CNOT4: variants seen among roughly 807,000 people sequenced by gnomAD.
CNOT4 encodes CCR4-NOT transcription complex subunit 4, also known as CCR4-associated factor 4.
In CNOT4, 8 loss-of-function variants were observed where a neutral mutation model predicts 73.8. The ratio of observed to expected loss-of-function variants is 0.11; its 90% CI spans 0.06 to 0.20. The LOEUF (loss-of-function observed/expected upper bound fraction) is 0.20, where lower values mean the gene tolerates loss of function less well. Ranked by LOEUF, CNOT4 falls within the 10% of genes least tolerant of loss-of-function variation. The pLI is 1.00. For synonymous variants in CNOT4, 293 were observed against 321.1 expected, an observed-to-expected ratio of 0.91 and a Z score of 0.94; for missense variants, 564 against 883.4, an observed-to-expected ratio of 0.64 and a Z score of 4.58.
chr7:135,372,893 A>G (rs984693940), intron 10 of CNOT4, among the ~76,000 whole-genome samples: 3 of 152,200 alleles, frequency 2.0e-5, no homozygotes, highest in Non-Finnish European at 2.9e-5. Context: ...ATCCAAAAAA[A>G]GATCGGGAAA....
chr7:135,425,956 G>A (rs1286925681), intron 2 of CNOT4, among the ~76,000 whole-genome samples: 5 of 152,000 alleles, frequency 3.3e-5, no homozygotes, highest in African/African-American at 4.8e-5. Context: ...GGCTGGGTGC[G>A]GTGGCTCACA....
chr7:135,376,523 A>G (rs1210168172), intron 10 of CNOT4, among the ~76,000 whole-genome samples: 1 of 152,208 alleles, frequency 6.6e-6, no homozygotes, highest in East Asian at 1.9e-4. Context: ...TCAGGTTTAC[A>G]TTCAGATGAA....
intron 7 of CNOT4, among the ~76,000 whole-genome samples, chr7:135,404,053 C>G (rs1379156618): frequency 6.6e-6 from 1 of 152,142 alleles, no homozygotes; most frequent in African/African-American, 2.4e-5. Flanking sequence ...ACAAGTGGTT[C>G]TAACTTCTTT....
chr7:135,490,271 T>C (rs1395290484), intron 1 of CNOT4, among the ~76,000 whole-genome samples: 1 of 152,182 alleles, frequency 6.6e-6, no homozygotes, highest in African/African-American at 2.4e-5. Flanking sequence ...GATTTCAGGA[T>C]TTCTGAAGGG....
chr7:135,457,882 G>A (rs904708787), intron 1 of CNOT4, among the ~76,000 whole-genome samples: 2 of 152,024 alleles, frequency 1.3e-5, no homozygotes, highest in African/African-American at 4.8e-5. Flanking sequence ...ATACAGTTCT[G>A]GAATTTGGTC....
chr7:135,392,725 CACTGTATCA>C (rs1796464901), intron 10 of CNOT4, among the ~76,000 whole-genome samples: 2 of 152,224 alleles, frequency 1.3e-5, no homozygotes, highest in South Asian at 4.1e-4. Context: ...AAATTAACTT[CACTGTATCA>C]ACGGTAAATT....
intron 10 of CNOT4, among the ~76,000 whole-genome samples, chr7:135,382,656 T>C (rs1053558108): frequency 6.6e-6 from 1 of 151,764 alleles, no homozygotes; most frequent in African/African-American, 2.4e-5. Context: ...CAACATCGAA[T>C]AGAAAATTTT....
At chr7:135,414,945 CT>C (rs376915842) in intron 4 of CNOT4, among the ~76,000 whole-genome samples, 98 of 152,132 alleles carry the variant, frequency 6.4e-4, no homozygotes, top group African/African-American at 2.3e-3. Flanking sequence ...CTCCCCCTCC[CT>C]TTCACTCCAT....
At chr7:135,386,161 T>G (rs1796109538) in intron 10 of CNOT4, 1 of 151,412 alleles carries the variant, frequency 6.6e-6, no homozygotes, top group Non-Finnish European at 1.5e-5. Context: ...TTCTTTTTTT[T>G]TTTTTTTTTG....
At chr7:135,440,687 C>T (rs544861663) in intron 1 of CNOT4, among the ~76,000 whole-genome samples, 4 of 152,068 alleles carry the variant, frequency 2.6e-5, no homozygotes, top group South Asian at 4.2e-4. Context: ...TTGGAGAGGC[C>T]GAGGCAGGTG....
intron 7 of CNOT4, among the ~76,000 whole-genome samples, chr7:135,399,365 G>C (rs1272070627): frequency 6.6e-6 from 1 of 152,020 alleles, no homozygotes; most frequent in East Asian, 1.9e-4. Context: ...TTTGAATACT[G>C]TAGGCAATGT....
intron 8 of CNOT4, among the ~76,000 whole-genome samples, chr7:135,397,611 A>G (rs1796767171): frequency 6.6e-6 from 1 of 151,864 alleles, no homozygotes; most frequent in Admixed American, 6.6e-5. Flanking sequence ...ACTAGCCAAA[A>G]AAAAAAAAAA....
At chr7:135,439,674 G>A (rs1377963106) in intron 1 of CNOT4, among the ~76,000 whole-genome samples, 1 of 152,174 alleles carries the variant, frequency 6.6e-6, no homozygotes, top group Non-Finnish European at 1.5e-5. Flanking sequence ...AGCTACTTGG[G>A]AGGCTTGAAG....
Position 135,363,173 on chromosome 7 carries a change from A to C in CNOT4, c.1854T>G (p.Ser618=), listed in dbSNP as rs778386493. 1 of 1,613,484 alleles carries C rather than the reference A, an allele frequency of 6.2e-7. No homozygotes were observed. Among genetic ancestry groups the C allele is most frequent in the Non-Finnish European group, 8.5e-7 (1 of 1,179,912 alleles). ...GAAGAGAGTCTAAACTGTTTCCTGA[A>C]GACGCTGGAATACCTAAGGAGAGAA... ...DPAIITGIPA[S]SGNSLDSLQD... Residue 618 remains serine (S), a synonymous_variant, in exon 12 of 12, where the codon TCT becomes TCG. Transcript: ENST00000541284. The surrounding 1 kb of genome is among the most constrained non-coding windows in gnomAD (Gnocchi z 4.3).
intron 1 of CNOT4, among the ~76,000 whole-genome samples, chr7:135,486,902 T>G (rs141455204): frequency 1.4e-3 from 220 of 152,096 alleles, no homozygotes; most frequent in African/African-American, 5.1e-3. Flanking sequence ...ATCAGTCCTA[T>G]CCTCAAAGCA....
chr7:135,385,027 C>A (rs1424323703), intron 10 of CNOT4, among the ~76,000 whole-genome samples: 9 of 126,654 alleles, frequency 7.1e-5, no homozygotes, highest in African/African-American at 2.3e-4. Context: ...ATTCATAGTT[C>A]TTCTCCATTC....
chr7:135,403,360 A>C (rs957480838), intron 7 of CNOT4, among the ~76,000 whole-genome samples: 1 of 152,266 alleles, frequency 6.6e-6, no homozygotes, highest in African/African-American at 2.4e-5. Flanking sequence ...ACTTGCCTTT[A>C]CAGAATATAC....
intron 1 of CNOT4, among the ~76,000 whole-genome samples, chr7:135,505,562 G>A (rs1389615195): frequency 2.6e-5 from 4 of 151,798 alleles, no homozygotes; most frequent in Admixed American, 1.3e-4. Flanking sequence ...GGGGAGTAGC[G>A]GGGAGAAAAA....
intron 10 of CNOT4, among the ~76,000 whole-genome samples, chr7:135,381,385 A>G (rs1312336406): frequency 1.3e-5 from 2 of 152,216 alleles, no homozygotes; most frequent in African/African-American, 2.4e-5. Context: ...TAAGACTATT[A>G]CTAACATTTC....
Sources: gnomAD v4.1 joint callset for allele counts (sites outside exome capture counted in the v4.1 genomes callset) on GRCh38, gnomAD v4.1.1 for gene constraint, Gnocchi (gnomAD v3.1) non-coding constraint, MANE v1.5 for transcripts, NCBI Gene and HGNC (gene_info 2026-07-23, HGNC 2026-07-21) for gene names.